BICDL1: variants seen among roughly 807,000 people sequenced by gnomAD.
The protein encoded by BICDL1 is BICD family like cargo adaptor 1, also known as BICD family-like cargo adapter 1.
BICDL1 carries 20 observed loss-of-function variants against 76.8 expected under a neutral mutation model. The ratio of observed to expected loss-of-function variants is 0.26; its 90% CI spans 0.18 to 0.38. BICDL1 has a LOEUF of 0.38. BICDL1 is among the 10% of genes least tolerant of loss of function. The pLI, the probability that BICDL1 is intolerant of heterozygous loss-of-function variation, is 1.00. For missense variants in BICDL1, 700 were observed against 798.6 expected, an observed-to-expected ratio of 0.88 and a Z score of 1.49; for synonymous variants, 383 against 337.1, an observed-to-expected ratio of 1.14 and a Z score of -1.49.
chr12:120,091,141 G>A (rs1429761565), intron 9 of BICDL1: 1 of 1,224,878 alleles, frequency 8.2e-7, no homozygotes, highest in East Asian at 5.7e-5. Context: ...TCTGTGCAGT[G>A]TGACATGCCC....
intron 2 of BICDL1, among the ~76,000 whole-genome samples, chr12:120,013,484 C>T (rs866283864): frequency 1.2e-5 from 1 of 81,996 alleles, no homozygotes; most frequent in Non-Finnish European, 2.5e-5. Flanking sequence ...GTGTGTGTGT[C>T]AGAGTCTTAC....
intron 2 of BICDL1, among the ~76,000 whole-genome samples, chr12:120,031,059 A>G (rs373059833): frequency 6.6e-6 from 1 of 152,314 alleles, no homozygotes; most frequent in East Asian, 1.9e-4. Flanking sequence ...AACTACAGGC[A>G]AGGCACCAAG....
chr12:120,033,158 T>C (rs1383940949), intron 2 of BICDL1, among the ~76,000 whole-genome samples: 1 of 152,140 alleles, frequency 6.6e-6, no homozygotes, highest in Admixed American at 6.6e-5. Context: ...ATTATTGTAA[T>C]TCAAGTCAAA....
chr12:120,073,845 G>A (rs1225735331), intron 6 of BICDL1, among the ~76,000 whole-genome samples: 2 of 152,216 alleles, frequency 1.3e-5, no homozygotes, highest in African/African-American at 4.8e-5. Flanking sequence ...CCACCACACG[G>A]CTTCCTTTCC....
chr12:120,060,493 C>G (rs1953080987), intron 2 of BICDL1, among the ~76,000 whole-genome samples: 1 of 152,134 alleles, frequency 6.6e-6, no homozygotes, highest in East Asian at 1.9e-4. Context: ...ATATCAGAAT[C>G]TTACTAGCTC....
chr12:120,085,799 CAAAAAAAAAA>C (rs35399078), intron 8 of BICDL1, among the ~76,000 whole-genome samples: 1 of 69,718 alleles, frequency 1.4e-5, no homozygotes, highest in African/African-American at 5.5e-5. Context: ...GATCCTGCCT[CAAAAAAAAAA>C]AAAAAAAAAA....
rs117915576 is a variant in BICDL1 at position 120,042,166 on chromosome 12, G to C, written c.646-19544G>C. Among the ~76,000 whole-genome samples the C allele has an allele frequency of 1.3e-3, 203 of 152,206 alleles. 1 individual carries two copies. Among genetic ancestry groups the C allele is most frequent in the Non-Finnish European group, 2.6e-3 (177 of 68,006 alleles). On this transcript the variant is annotated intron_variant, in intron 2 of 9. Coordinates refer to ENST00000548673, the MANE Select transcript of BICDL1 (RefSeq NM_001367886.1). ...AGCATCCTGGATATTAATTTTACTCGATAAATCTCATATAGCACCTATTAT... is the reference window on the plus strand; with the variant it reads ...AGCATCCTGGATATTAATTTTACTCCATAAATCTCATATAGCACCTATTAT...
At chr12:120,048,596 G>A (rs969494271) in intron 2 of BICDL1, among the ~76,000 whole-genome samples, 2 of 152,058 alleles carry the variant, frequency 1.3e-5, no homozygotes, top group Non-Finnish European at 2.9e-5. Context: ...TATCTCATTT[G>A]GTTACCTATC....
chr12:120,022,375 G>A (rs1348769482), intron 2 of BICDL1, among the ~76,000 whole-genome samples: 3 of 149,746 alleles, frequency 2.0e-5, no homozygotes, highest in Non-Finnish European at 4.4e-5. Context: ...ACCACCCTAG[G>A]CAACAGCGTG....
intron 2 of BICDL1, among the ~76,000 whole-genome samples, chr12:120,025,507 C>G (rs1952280338): frequency 6.6e-6 from 1 of 152,098 alleles, no homozygotes; most frequent in Non-Finnish European, 1.5e-5. Flanking sequence ...CACCCGTGTT[C>G]TCTCTTCAGC....
chr12:119,990,610 A>G (rs1403578485), intron 1 of BICDL1, among the ~76,000 whole-genome samples: 4 of 152,228 alleles, frequency 2.6e-5, no homozygotes, highest in Non-Finnish European at 5.9e-5. Flanking sequence ...ATGTCTGCAT[A>G]CAGAGAAATG....
chr12:120,032,347 G>T (rs1244931243), intron 2 of BICDL1, among the ~76,000 whole-genome samples: 2 of 152,084 alleles, frequency 1.3e-5, no homozygotes, highest in Admixed American at 6.6e-5. Flanking sequence ...TTATTTTTTG[G>T]CCTAAGTATC....
At chr12:120,070,003 A>G (rs547928882) in intron 4 of BICDL1, among the ~76,000 whole-genome samples, 2 of 152,330 alleles carry the variant, frequency 1.3e-5, no homozygotes, top group South Asian at 2.1e-4. Flanking sequence ...TCATTGCTCT[A>G]TAGTATTCTA....
chr12:120,064,985 G>T, intron 4 of BICDL1, 106 bp downstream of exon 4: 1 of 1,317,150 alleles, frequency 7.6e-7, no homozygotes, highest in Non-Finnish European at 1.0e-6. Context: ...GGTAAGCTGG[G>T]AGTGGATGAT....
chr12:120,071,470 G>T lies in BICDL1; in HGVS notation c.910-152G>T. On this transcript the variant is annotated intron_variant, in intron 4 of 9. Coordinates refer to ENST00000548673, the MANE Select transcript of BICDL1 (RefSeq NM_001367886.1). This position sits in a 1 kb window ranked among gnomAD's most constrained non-coding sequence, Gnocchi z 4.8. Reference sequence around the variant, plus strand: ...ATTTTCTAGATCTGGATTTTGCTGAGTGCATCTCCTGATGTAGTTTAACAT... The same window carrying T: ...ATTTTCTAGATCTGGATTTTGCTGATTGCATCTCCTGATGTAGTTTAACAT... 1 of 1,133,528 alleles carries T rather than the reference G, an allele frequency of 8.8e-7. No individual in the cohort carries two copies. Among genetic ancestry groups the T allele is most frequent in the African/African-American group, 1.6e-5 (1 of 62,714 alleles). The allele number at this position is 1,133,528 out of a possible 1,614,324, so 70.2% of individuals were successfully genotyped here.
At chr12:120,020,017 C>T (rs941363718) in intron 2 of BICDL1, among the ~76,000 whole-genome samples, 2 of 152,084 alleles carry the variant, frequency 1.3e-5, no homozygotes, top group African/African-American at 2.4e-5. Flanking sequence ...AAGTGCTGTT[C>T]ATATATCTTT....
intron 1 of BICDL1, among the ~76,000 whole-genome samples, chr12:119,990,674 C>T (rs1013579128): frequency 6.6e-6 from 1 of 152,228 alleles, no homozygotes; most frequent in African/African-American, 2.4e-5. Flanking sequence ...CAGTTAATCT[C>T]TAATCAGGGT....
At chr12:120,009,400 T>G (rs1951911643) in intron 2 of BICDL1, among the ~76,000 whole-genome samples, 1 of 152,216 alleles carries the variant, frequency 6.6e-6, no homozygotes, top group South Asian at 2.1e-4. Flanking sequence ...GAGGAACGCC[T>G]AAAGTTCTAG....
intron 9 of BICDL1, chr12:120,091,686 A>C: frequency 4.1e-6 from 4 of 985,316 alleles, no homozygotes; most frequent in Non-Finnish European, 4.8e-6. Context: ...GCCCTGAGCC[A>C]GAGCGCGTGA....
Sources: allele counts gnomAD v4.1 joint callset (sites outside exome capture counted in the v4.1 genomes callset), GRCh38; gene constraint gnomAD v4.1.1; non-coding constraint Gnocchi (gnomAD v3.1); transcripts MANE v1.5; gene names NCBI Gene and HGNC (gene_info 2026-07-23, HGNC 2026-07-21).